MAT2A: variants seen among roughly 807,000 people sequenced by gnomAD.
The protein encoded by MAT2A is methionine adenosyltransferase 2A, also known as S-adenosylmethionine synthase isoform type-2.
Under a neutral mutation model 43.9 loss-of-function variants are expected in MAT2A, and 3 were observed. The observed-to-expected ratio is 0.07, with a 90% CI of 0.03 to 0.18. The LOEUF (loss-of-function observed/expected upper bound fraction) is 0.18, where lower values mean the gene tolerates loss of function less well. Among genes scored for constraint, MAT2A ranks in the 10% least tolerant of loss-of-function variants. The probability of loss-of-function intolerance (pLI) is 1.00; values close to 1 mark genes in which losing one functional copy is unlikely to be tolerated. For missense variants in MAT2A, 204 were observed against 489.0 expected (o/e 0.42, Z 5.50); for synonymous variants, 200 against 168.4 (o/e 1.19, Z -1.45).
At chr2:85,540,042 A>G (rs1691426500) in intron 1 of MAT2A, 3 of 152,304 alleles carry the variant, frequency 2.0e-5, no homozygotes. Context: ...CCAAGAAGGC[A>G]GTCCTTATTT....
At position 85,542,264 on chromosome 2, in the gene MAT2A, A is replaced by G; in HGVS notation, c.659A>G (p.Asp220Gly). Residue 220 changes from aspartate to glycine, a missense_variant, in exon 6 of 9, where the codon GAT (aspartate) becomes GGT (glycine). Physicochemically the swap from Asp to Gly is moderately conservative, Grantham distance 94 (BLOSUM62 -1). This residue lies in a region of MAT2A where 103 missense variants were observed against 226.4 expected (regional missense o/e 0.45). Coordinates refer to ENST00000306434, the MANE Select transcript of MAT2A (RefSeq NM_005911.6). ...GAGGTTTGTCTTGATGAAATGAGGGATGCCCTAAAGGAGAAAGTCATCAAA... is the reference window on the plus strand; with the variant it reads ...GAGGTTTGTCTTGATGAAATGAGGGGTGCCCTAAAGGAGAAAGTCATCAAA... ...DEEVCLDEMR[D>G]ALKEKVIKAV... 1 of 1,614,098 alleles carries G rather than the reference A, an allele frequency of 6.2e-7. No homozygotes were observed. The highest frequency in any genetic ancestry group is 8.5e-7 in the Non-Finnish European group (1 of 1,179,936).
chr2:85,539,205 C>G lies in MAT2A; in HGVS notation c.-83C>G, dbSNP rs922016177. 1.6e-5 allele frequency: 16 copies of G among 980,528 alleles called. No individual in the cohort carries two copies. The highest frequency in any genetic ancestry group is 2.9e-5 in the South Asian group (2 of 69,284). 60.7% of individuals were successfully genotyped at this position (980,528 alleles called of 1,614,324 possible). A position where few individuals can be genotyped will look rare whatever the true frequency, so the allele number is the denominator to read the frequency against. On this transcript the variant is annotated 5_prime_UTR_variant, in exon 1 of 9. Coordinates refer to ENST00000306434, the MANE Select transcript of MAT2A (RefSeq NM_005911.6). ...CCGCCCGCCTGCTACGAGTAGAACG[C>G]TGTCCGCAGCTTGCGCATTTCGCAG...
At chr2:85,539,948 A>G (rs1169358577) in intron 1 of MAT2A, 2 of 152,714 alleles carry the variant, frequency 1.3e-5, no homozygotes, top group Non-Finnish European at 2.9e-5. Flanking sequence ...GGTCTTGACT[A>G]CACACTGGAG....
chr2:85,541,804 A>C (rs371054255), intron 4 of MAT2A, 25 bp from the exon 5 acceptor site: 239 of 1,613,710 alleles, frequency 1.5e-4, no homozygotes, highest in Non-Finnish European at 1.9e-4. Context: ...GAGCTTGATC[A>C]CATTGGTGAC....
At position 85,541,900 on chromosome 2, in the gene MAT2A, G is replaced by A. The variant is rs1016317798; in HGVS notation, c.477G>A (p.Lys159=). Residue 159 remains lysine (K), a synonymous_variant, in exon 5 of 9, where the codon AAG becomes AAA. Transcript: ENST00000306434. ...CTTTAACCATTGTCTTGGCACACAAGCTAAATGCCAAACTGGCAGAACTAC... is the reference window on the plus strand; with the variant it reads ...CTTTAACCATTGTCTTGGCACACAAACTAAATGCCAAACTGGCAGAACTAC... ...CMPLTIVLAH[K]LNAKLAELRR... 3.7e-6 allele frequency: 6 copies of A among 1,614,104 alleles called. No homozygotes were observed. Among genetic ancestry groups the A allele is most frequent in the African/African-American group, 1.3e-5 (1 of 74,944 alleles).
At position 85,543,891 on chromosome 2, in the gene MAT2A, G is replaced by A. The variant is rs1297358338; in HGVS notation, c.*119G>A. On this transcript the variant is annotated 3_prime_UTR_variant, in exon 9 of 9. Transcript: ENST00000306434. ...GTCCTCTTTCAGCTCCTGACCAGTTGCAGTCACTCTAGTCAATGACATGAA... is the reference window on the plus strand; with the variant it reads ...GTCCTCTTTCAGCTCCTGACCAGTTACAGTCACTCTAGTCAATGACATGAA... The A allele has an allele frequency of 2.8e-5, 17 of 616,942 alleles. No individual in the cohort carries two copies. The highest frequency in any genetic ancestry group is 4.9e-5 in the Non-Finnish European group (17 of 344,792). 38.2% of individuals were successfully genotyped at this position (616,942 alleles called of 1,614,324 possible).
rs979755340 is a variant in MAT2A, at chr2:85,539,194, C to T, written c.-94C>T. Reference sequence around the variant, plus strand: ...TTCGCTCCGCGCCGCCCGCCTGCTACGAGTAGAACGCTGTCCGCAGCTTGC... The same window carrying T: ...TTCGCTCCGCGCCGCCCGCCTGCTATGAGTAGAACGCTGTCCGCAGCTTGC... On this transcript the variant is annotated 5_prime_UTR_variant, in exon 1 of 9. It adds an upstream start codon to the 5' untranslated region. Coordinates refer to ENST00000306434, the MANE Select transcript of MAT2A (RefSeq NM_005911.6). The T allele has an allele frequency of 5.6e-6, 5 of 891,348 alleles. No homozygotes were observed. Among genetic ancestry groups the T allele is most frequent in the South Asian group, 3.1e-5 (2 of 65,246 alleles). The allele number at this position is 891,348 out of a possible 1,614,324, so 55.2% of individuals were successfully genotyped here.
At position 85,542,588 on chromosome 2, in the gene MAT2A, C is replaced by G. The variant is rs1078004; in HGVS notation, c.792C>G (p.Arg264=). ...AGGGTGATGCTGGTTTGACTGGACGCAAAATCATTGTGGACACTTATGGCG... is the reference window on the plus strand; with the variant it reads ...AGGGTGATGCTGGTTTGACTGGACGGAAAATCATTGTGGACACTTATGGCG... ...GPQGDAGLTG[R]KIIVDTYGGW... is the part of the protein sequence containing the mutation. The change falls in exon 7 of 9, where the codon CGC becomes CGG. Residue 264 remains arginine (R), a synonymous_variant. Coordinates refer to ENST00000306434, the MANE Select transcript of MAT2A (RefSeq NM_005911.6). The G allele has an allele frequency of 0.46, 748,646 of 1,612,940 alleles. 176,804 individuals are homozygous for G. Among genetic ancestry groups the G allele is most frequent in the African/African-American group, 0.69 (51,391 of 74,892 alleles).
At chr2:85,539,448 C>T in intron 1 of MAT2A, 70 bp downstream of exon 1, 31 of 1,312,748 alleles carry the variant, frequency 2.4e-5, no homozygotes, top group Non-Finnish European at 3.0e-5. Flanking sequence ...CTGGCTGCGG[C>T]CGGCCGGTGG....
At chr2:85,539,414 G>A (rs772696334) in intron 1 of MAT2A, 36 bp downstream of exon 1, 5 of 1,535,994 alleles carry the variant, frequency 3.3e-6, no homozygotes, top group African/African-American at 2.8e-5. Flanking sequence ...GTGGGGCGGG[G>A]CAGAAGGCAG....
rs59606702 is a variant in MAT2A, at chr2:85,540,208, A to G, written c.91+830A>G. 5.1e-3 allele frequency among the ~76,000 whole-genome samples: 778 copies of G among 152,304 alleles called. 12 individuals carry two copies. The highest frequency in any genetic ancestry group is 0.018 in the African/African-American group (746 of 41,550). On this transcript the variant is annotated intron_variant, in intron 1 of 8. Coordinates refer to ENST00000306434, the MANE Select transcript of MAT2A (RefSeq NM_005911.6). ...GCACGTGAAGGAGGAGTAAAGCTAT[A>G]TTTCCAGGAACTGAAAATCTCAGCC... is the stretch of plus-strand genomic sequence containing the variant.
At chr2:85,541,770 A>T (rs375924659) in intron 4 of MAT2A, 25 bp downstream of exon 4, 1 of 1,613,700 alleles carries the variant, frequency 6.2e-7, no homozygotes, top group Non-Finnish European at 8.5e-7. Flanking sequence ...AGGCTGTTTT[A>T]ATCTCTTCTA....
At chr2:85,542,837 A>G in intron 7 of MAT2A, 64 bp from the exon 8 acceptor site, 2 of 1,568,390 alleles carry the variant, frequency 1.3e-6, no homozygotes, top group South Asian at 2.3e-5. Context: ...TTTTATACCA[A>G]CGTATTATAC....
At chr2:85,540,009 C>T (rs188509317) in intron 1 of MAT2A, 24 of 152,434 alleles carry the variant, frequency 1.6e-4, no homozygotes, top group African/African-American at 5.8e-4. Context: ...AGGTGACGGC[C>T]TCTGACTAAA....
In MAT2A at chr2:85,544,839, C is replaced by T. The variant is rs1240186938; in HGVS notation, c.*1067C>T. The T allele has an allele frequency of 6.6e-6, 1 of 152,568 alleles. No homozygotes were observed. Among genetic ancestry groups the T allele is most frequent in the Non-Finnish European group, 1.5e-5 (1 of 68,046 alleles). 9.5% of individuals were successfully genotyped at this position (152,568 alleles called of 1,614,324 possible). On this transcript the variant is annotated 3_prime_UTR_variant, in exon 9 of 9. Coordinates refer to ENST00000306434, the MANE Select transcript of MAT2A (RefSeq NM_005911.6). The stretch of plus-strand genomic sequence containing the variant: ...GTGCTTTTGGCGGGGAGGAGGAAAT[C>T]CCTTCATACTTGAACGTTTTCTAAT...
In MAT2A at chr2:85,542,729, C is replaced by T; in HGVS notation, c.933C>T (p.Cys311=). The change falls in exon 7 of 9, where the codon TGC becomes TGT. Residue 311 remains cysteine, a synonymous_variant. Coordinates refer to ENST00000306434, the MANE Select transcript of MAT2A (RefSeq NM_005911.6). ...AATCCCTTGTTAAAGGAGGTCTGTG[C>T]CGGAGGGTTCTTGTTCAGGTATACA... ...VAKSLVKGGL[C]RRVLVQVSYA... 6.2e-7 allele frequency: 1 copy of T among 1,611,462 alleles called. No homozygotes were observed. Among genetic ancestry groups the T allele is most frequent in the Non-Finnish European group, 8.5e-7 (1 of 1,178,276 alleles).
rs1407796948 is a variant in MAT2A at position 85,539,239 on chromosome 2, G to C, written c.-49G>C. 7.3e-7 allele frequency: 1 copy of C among 1,368,314 alleles called. No homozygotes were observed. The highest frequency in any genetic ancestry group is 2.5e-5 in the East Asian group (1 of 39,428). The allele number at this position is 1,368,314 out of a possible 1,614,324, so 84.8% of individuals were successfully genotyped here. ...GCTTGCGCATTTCGCAGCCGCTGCC[G>C]CCTCGCCGCTGCTCCTTCGTAAGGC... On this transcript the variant is annotated 5_prime_UTR_variant, in exon 1 of 9. Transcript: ENST00000306434.
chr2:85,543,180 C>G (rs969249064), intron 8 of MAT2A, 146 bp downstream of exon 8: 1 of 895,416 alleles, frequency 1.1e-6, no homozygotes, highest in African/African-American at 1.7e-5. Context: ...TGAACTGCTG[C>G]CTTAGTGAAG....
rs1482634166 is a variant in MAT2A at position 85,544,699 on chromosome 2, A to G, written c.*927A>G. 6.6e-6 allele frequency: 1 copy of G among 152,420 alleles called. No homozygotes were observed. Among genetic ancestry groups the G allele is most frequent in the East Asian group, 1.9e-4 (1 of 5,184 alleles). The allele number at this position is 152,420 out of a possible 1,614,324, so 9.4% of individuals were successfully genotyped here. A position where few individuals can be genotyped will look rare whatever the true frequency, so the allele number is the denominator to read the frequency against. Reference sequence around the variant, plus strand: ...TTATAAGAAAGCCTGAGTACTCCACACTGCACAATAACTCCTCCCAGGGTT... The same window carrying G: ...TTATAAGAAAGCCTGAGTACTCCACGCTGCACAATAACTCCTCCCAGGGTT... On this transcript the variant is annotated 3_prime_UTR_variant, in exon 9 of 9. Transcript: ENST00000306434.
Sources: allele counts gnomAD v4.1 joint callset (sites outside exome capture counted in the v4.1 genomes callset), GRCh38; gene constraint gnomAD v4.1.1; regional missense constraint gnomAD v4.1.1; transcripts MANE v1.5; gene names NCBI Gene and HGNC (gene_info 2026-07-23, HGNC 2026-07-21).